Variants in CCT7 observed in about 807,000 individuals in gnomAD.
CCT7 encodes T-complex protein 1 subunit eta.
Under a neutral mutation model 56.6 loss-of-function variants are expected in CCT7, and 16 were observed. The ratio of observed to expected loss-of-function variants is 0.28; its 90% CI spans 0.19 to 0.43. The LOEUF is 0.43. Ranked by LOEUF, CCT7 falls within the 20% of genes least tolerant of loss-of-function variation. The pLI, the probability that CCT7 is intolerant of heterozygous loss-of-function variation, is 1.00. For synonymous variants in CCT7, 262 were observed against 254.8 expected, an observed-to-expected ratio of 1.03 and a Z score of -0.27; for missense variants, 519 against 685.6, an observed-to-expected ratio of 0.76 and a Z score of 2.71.
chr2:73,250,515 TG>T (rs1687534398), intron 10 of CCT7, 77 bp downstream of exon 10: 1 of 1,539,006 alleles, frequency 6.5e-7, no homozygotes, highest in African/African-American at 1.4e-5. Flanking sequence ...TGGATTTGTG[TG>T]GTGATTCCTT....
chr2:73,240,077 T>C (rs1240852577), intron 2 of CCT7: 4 of 373,300 alleles, frequency 1.1e-5, no homozygotes, highest in Non-Finnish European at 1.9e-5. Context: ...CTTCCATTGT[T>C]ATCAAGATGA....
intron 1 of CCT7, among the ~76,000 whole-genome samples, chr2:73,236,432 C>T (rs1049302682): frequency 1.3e-5 from 2 of 152,074 alleles, no homozygotes; most frequent in Non-Finnish European, 1.5e-5. Context: ...ACCTCCATTC[C>T]CAGGTTCAAG....
intron 5 of CCT7, 97 bp downstream of exon 5, chr2:73,244,146 C>T: frequency 8.5e-7 from 1 of 1,182,888 alleles, no homozygotes; most frequent in South Asian, 1.4e-5. Flanking sequence ...AGTGATCTCC[C>T]ACCTGCGACT....
At position 73,244,062 on chromosome 2, in the gene CCT7, T is replaced by TA; in HGVS notation, c.446+13_446+14insA. 1.9e-6 allele frequency: 3 copies of TA among 1,564,572 alleles called. No individual in the cohort carries two copies. Among genetic ancestry groups the TA allele is most frequent in the Non-Finnish European group, 2.6e-6 (3 of 1,157,336 alleles). On this transcript the variant is annotated intron_variant, in intron 5 of 11. Coordinates refer to ENST00000258091, the MANE Select transcript of CCT7 (RefSeq NM_006429.4). ...AGGCAGATAAAGTGTAAGTCTGTAG[T>TA]GGGTTTTTTTTTTTTTTTTTAAAGA...
intron 8 of CCT7, 146 bp from the exon 9 acceptor site, chr2:73,249,673 G>GT: frequency 1.5e-6 from 1 of 666,952 alleles, no homozygotes; most frequent in East Asian, 2.5e-5. Flanking sequence ...CAGAGAGGGG[G>GT]AAGGGTCGCC....
intron 1 of CCT7, among the ~76,000 whole-genome samples, chr2:73,236,242 A>G (rs954689075): frequency 3.9e-5 from 6 of 152,244 alleles, no homozygotes; most frequent in African/African-American, 1.4e-4. Context: ...ATGCTTAGTG[A>G]AAGTTTTAAA....
At chr2:73,244,081 T>TC in intron 5 of CCT7, 32 bp downstream of exon 5, 1 of 1,572,356 alleles carries the variant, frequency 6.4e-7, no homozygotes, top group African/African-American at 1.4e-5. Flanking sequence ...TTTTTTTTTT[T>TC]TAAAGAGACG....
chr2:73,236,065 A>G (rs573762686), intron 1 of CCT7, among the ~76,000 whole-genome samples: 2 of 152,304 alleles, frequency 1.3e-5, no homozygotes, highest in Admixed American at 6.5e-5. Context: ...GGCCCCTGAT[A>G]TTCTAGAATA....
intron 6 of CCT7, 100 bp downstream of exon 6, chr2:73,244,815 A>G: frequency 3.4e-6 from 3 of 874,958 alleles, no homozygotes; most frequent in Non-Finnish European, 5.0e-6. Flanking sequence ...AATAAAGAGA[A>G]TGCATGTTAG....
intron 7 of CCT7, among the ~76,000 whole-genome samples, chr2:73,248,458 C>A (rs961828621): frequency 6.6e-5 from 10 of 151,996 alleles, no homozygotes; most frequent in African/African-American, 2.2e-4. Context: ...TCAAGTGATT[C>A]CCCTGCCTTA....
chr2:73,252,042 T>TGTG (rs58548495), intron 11 of CCT7, among the ~76,000 whole-genome samples: 50,328 of 151,520 alleles, frequency 0.33, 8,389 homozygotes, highest in African/African-American at 0.36. Flanking sequence ...GGCTTACTGG[T>TGTG]GTGGTGAAGC....
intron 5 of CCT7, 59 bp from the exon 6 acceptor site, chr2:73,244,485 A>T: frequency 6.9e-7 from 1 of 1,453,180 alleles, no homozygotes; most frequent in Non-Finnish European, 9.4e-7. Context: ...CTGTAGTAGA[A>T]TCAGATAAGA....
intron 11 of CCT7, among the ~76,000 whole-genome samples, 176 bp downstream of exon 11, chr2:73,251,608 A>G (rs1687586008): frequency 6.6e-6 from 1 of 152,218 alleles, no homozygotes; most frequent in African/African-American, 2.4e-5. Flanking sequence ...CCATGGTGCT[A>G]GCACAGGAGA....
chr2:73,248,894 A>G lies in CCT7; in HGVS notation c.784-97A>G. 3 of 921,268 alleles carry G rather than the reference A, an allele frequency of 3.3e-6. No homozygotes were observed. In the South Asian group the frequency reaches 5.0e-5, roughly 15 times the overall value. The allele number at this position is 921,268 out of a possible 1,614,324, so 57.1% of individuals were successfully genotyped here. On this transcript the variant is annotated intron_variant, in intron 7 of 11. Transcript: ENST00000258091. Reference sequence around the variant, plus strand: ...TCTGTTAATTCCCAGATGAATCAGCATGTTTTATTTGGTGGGGGCAGATGG... The same window carrying G: ...TCTGTTAATTCCCAGATGAATCAGCGTGTTTTATTTGGTGGGGGCAGATGG...
At position 73,250,342 on chromosome 2, in the gene CCT7, A is replaced by G. The variant is rs745960445; in HGVS notation, c.1107A>G (p.Thr369=). The G allele has an allele frequency of 1.7e-5, 27 of 1,614,088 alleles. No individual in the cohort carries two copies. The East Asian group carries it at 4.7e-4, about 28-fold the overall frequency. ...NFFTGCPKAK[T]CTFILRGGAE... ...TTACTGGCTGCCCCAAGGCCAAGAC[A>G]TGCACCTTCATTCTCCGTGGCGGCG... Residue 369 remains threonine (T), a synonymous_variant, in exon 10 of 12, where the codon ACA becomes ACG. Coordinates refer to ENST00000258091, the MANE Select transcript of CCT7 (RefSeq NM_006429.4).
At chr2:73,237,933 G>A (rs1192246840) in intron 1 of CCT7, among the ~76,000 whole-genome samples, 1 of 151,904 alleles carries the variant, frequency 6.6e-6, no homozygotes, top group Non-Finnish European at 1.5e-5. Context: ...CATGCATTGC[G>A]GTCCAGCTAC....
At position 73,252,964 on chromosome 2, in the gene CCT7, C is replaced by G. The variant is rs1011481643; in HGVS notation, c.*103C>G. 3 of 714,852 alleles carry G rather than the reference C, an allele frequency of 4.2e-6. No homozygotes were observed. Among genetic ancestry groups the G allele is most frequent in the Admixed American group, 5.8e-5 (2 of 34,510 alleles). The allele number at this position is 714,852 out of a possible 1,614,324, so 44.3% of individuals were successfully genotyped here. A position where few individuals can be genotyped will look rare whatever the true frequency, so the allele number is the denominator to read the frequency against. ...AGGAAGGGGTAGTAATTGGCCCACTCTCTTCTTACTGGAGGCTATTTAAAT... is the reference window on the plus strand; with the variant it reads ...AGGAAGGGGTAGTAATTGGCCCACTGTCTTCTTACTGGAGGCTATTTAAAT... On this transcript the variant is annotated 3_prime_UTR_variant, in exon 12 of 12. Coordinates refer to ENST00000258091, the MANE Select transcript of CCT7 (RefSeq NM_006429.4).
Position 73,244,081 on chromosome 2 carries a change from T to C in CCT7, c.446+32T>C, listed in dbSNP as rs775078329. 2.9e-5 allele frequency: 46 copies of C among 1,572,238 alleles called. No homozygotes were observed. In the African/African-American group the frequency reaches 6.0e-4, roughly 21 times the overall value. ...CTGTAGTGGGTTTTTTTTTTTTTTT[T>C]TAAAGAGACGGAGCCTTGCTGTATT... On this transcript the variant is annotated intron_variant, in intron 5 of 11. Coordinates refer to ENST00000258091, the MANE Select transcript of CCT7 (RefSeq NM_006429.4).
At chr2:73,251,458 C>G (rs1687579114) in intron 11 of CCT7, 26 bp downstream of exon 11, 4 of 1,153,710 alleles carry the variant, frequency 3.5e-6, no homozygotes, top group Non-Finnish European at 3.7e-6. Flanking sequence ...CCCCAGGGTT[C>G]AGGGTTTGGG....
Sources: gnomAD v4.1 joint callset for allele counts (sites outside exome capture counted in the v4.1 genomes callset) on GRCh38, gnomAD v4.1.1 for gene constraint, MANE v1.5 for transcripts, NCBI Gene and HGNC (gene_info 2026-07-23, HGNC 2026-07-21) for gene names.